PLCB1: variants seen among roughly 807,000 people sequenced by gnomAD.
PLCB1 encodes phospholipase C beta 1.
Under a neutral mutation model 161.8 loss-of-function variants are expected in PLCB1, and 46 were observed. That is an observed-to-expected ratio of 0.28 (90% CI 0.22 to 0.36). The LOEUF is 0.36. PLCB1 is among the 10% of genes least tolerant of loss of function. PLCB1 has a pLI of 1.00. For missense variants in PLCB1, 1,016 were observed against 1,472.5 expected (o/e 0.69, Z 5.07); for synonymous variants, 517 against 503.7 (o/e 1.03, Z -0.35).
chr20:8,763,406 A>G (rs1982147646), intron 25 of PLCB1, among the ~76,000 whole-genome samples: 1 of 150,488 alleles, frequency 6.6e-6, no homozygotes, highest in Non-Finnish European at 1.5e-5. Flanking sequence ...TTATTTAGAG[A>G]CAAGAGTCTA....
intron 3 of PLCB1, among the ~76,000 whole-genome samples, chr20:8,403,720 A>C (rs574976736): frequency 1.4e-4 from 22 of 152,318 alleles, no homozygotes; most frequent in African/African-American, 5.1e-4. Context: ...TGATAGTGCC[A>C]CTGCAAGACA....
At chr20:8,176,521 G>A (rs897869839) in intron 2 of PLCB1, among the ~76,000 whole-genome samples, 1 of 152,196 alleles carries the variant, frequency 6.6e-6, no homozygotes, top group Non-Finnish European at 1.5e-5. Flanking sequence ...TTATAAAAGA[G>A]CAACATGAGG....
chr20:8,790,461 A>G (rs1461486831), intron 31 of PLCB1, among the ~76,000 whole-genome samples, 200 bp downstream of exon 31: 1 of 152,218 alleles, frequency 6.6e-6, no homozygotes, highest in East Asian at 1.9e-4. Context: ...GAGCTTTTAA[A>G]AACTGCAAAT....
chr20:8,473,316 G>A (rs909456587), intron 3 of PLCB1, among the ~76,000 whole-genome samples: 9 of 151,990 alleles, frequency 5.9e-5, no homozygotes, highest in South Asian at 2.1e-4. Flanking sequence ...ACACATGCAC[G>A]CACACATTAA....
chr20:8,187,731 G>T (rs2051920788), intron 2 of PLCB1, among the ~76,000 whole-genome samples: 1 of 152,026 alleles, frequency 6.6e-6, no homozygotes, highest in South Asian at 2.1e-4. Flanking sequence ...AAATTTTTAT[G>T]ATGGATGAGT....
At chr20:8,373,484 T>C (rs942495152) in intron 3 of PLCB1, among the ~76,000 whole-genome samples, 2 of 152,210 alleles carry the variant, frequency 1.3e-5, no homozygotes, top group African/African-American at 4.8e-5. Flanking sequence ...TAATTGCTCA[T>C]GGAATTACCT....
At chr20:8,329,451 C>A (rs1985283992) in intron 2 of PLCB1, among the ~76,000 whole-genome samples, 1 of 148,306 alleles carries the variant, frequency 6.7e-6, no homozygotes, top group Admixed American at 6.6e-5. Context: ...CCAAACCTGG[C>A]CAAAGACTTG....
At chr20:8,717,152 C>G (rs148238742) in intron 13 of PLCB1, among the ~76,000 whole-genome samples, 134 of 152,320 alleles carry the variant, frequency 8.8e-4, no homozygotes, top group African/African-American at 3.0e-3. Context: ...CTGAAGCCAC[C>G]TCATCCACTT....
At chr20:8,878,538 G>A (rs1312575403) in intron 31 of PLCB1, among the ~76,000 whole-genome samples, 7 of 151,716 alleles carry the variant, frequency 4.6e-5, no homozygotes, top group Non-Finnish European at 1.0e-4. Context: ...CTCCATCATA[G>A]CCACATGAGT....
chr20:8,805,325 A>G (rs574463890), intron 31 of PLCB1, among the ~76,000 whole-genome samples: 2 of 152,360 alleles, frequency 1.3e-5, no homozygotes, highest in South Asian at 4.1e-4. Context: ...TGCTCATTTT[A>G]TGTATACATA....
At chr20:8,697,453 A>G (rs1990607945) in intron 10 of PLCB1, among the ~76,000 whole-genome samples, 173 bp from the exon 11 acceptor site, 2 of 152,208 alleles carry the variant, frequency 1.3e-5, no homozygotes, top group African/African-American at 4.8e-5. Context: ...TACAGATTCT[A>G]TTTGAAATTG....
rs1424842773 is a variant in PLCB1 at position 8,132,426 on chromosome 20, G to C, written c.-226G>C. 6.6e-6 allele frequency: 2 copies of C among 301,320 alleles called. No individual in the cohort carries two copies. The highest frequency in any genetic ancestry group is 1.6e-4 in the South Asian group (1 of 6,252). 18.7% of individuals were successfully genotyped at this position (301,320 alleles called of 1,614,324 possible). On this transcript the variant is annotated 5_prime_UTR_variant, in exon 1 of 32. Transcript: ENST00000338037. This position sits in a 1 kb window ranked among gnomAD's most constrained non-coding sequence, Gnocchi z 5.2. ...TCATCCACCGCGGGCTCCAGACCTCGCGTCCCGCCCGGGGCATGGCCGGGC... is the reference window on the plus strand; with the variant it reads ...TCATCCACCGCGGGCTCCAGACCTCCCGTCCCGCCCGGGGCATGGCCGGGC...
intron 3 of PLCB1, among the ~76,000 whole-genome samples, chr20:8,567,549 A>G (rs762576346): frequency 3.2e-4 from 49 of 152,114 alleles, no homozygotes; most frequent in Admixed American, 6.5e-4. Flanking sequence ...CAAAATTCCA[A>G]TTATTTTGAG....
chr20:8,800,458 T>C (rs1029332457), intron 31 of PLCB1, among the ~76,000 whole-genome samples: 11 of 151,734 alleles, frequency 7.2e-5, no homozygotes, highest in African/African-American at 2.4e-4. Flanking sequence ...CACACACATA[T>C]ACACAATAAC....
At chr20:8,437,896 G>A (rs948545895) in intron 3 of PLCB1, among the ~76,000 whole-genome samples, 10 of 152,118 alleles carry the variant, frequency 6.6e-5, no homozygotes, top group African/African-American at 2.4e-4. Flanking sequence ...AGATTGACAA[G>A]TAGAGGGAAA....
chr20:8,778,259 C>G (rs1228859610), intron 27 of PLCB1, among the ~76,000 whole-genome samples: 2 of 152,154 alleles, frequency 1.3e-5, no homozygotes, highest in Non-Finnish European at 2.9e-5. Flanking sequence ...GAAGCCAAAA[C>G]ATCCCAAGAA....
intron 31 of PLCB1, among the ~76,000 whole-genome samples, chr20:8,795,389 T>A (rs1983966233): frequency 6.6e-6 from 1 of 152,216 alleles, no homozygotes; most frequent in African/African-American, 2.4e-5. Flanking sequence ...ATAAGTCCCA[T>A]GGAAACTTAT....
intron 3 of PLCB1, among the ~76,000 whole-genome samples, chr20:8,484,090 A>G (rs1236181565): frequency 6.6e-6 from 1 of 152,200 alleles, no homozygotes; most frequent in Non-Finnish European, 1.5e-5. Context: ...TAATGGCACG[A>G]TCTTGGCTCA....
chr20:8,607,131 T>C (rs1374720391), intron 3 of PLCB1, among the ~76,000 whole-genome samples: 1 of 152,150 alleles, frequency 6.6e-6, no homozygotes, highest in East Asian at 1.9e-4. Flanking sequence ...TTTACCACAG[T>C]CCCACATCCC....
Sources: gnomAD v4.1 joint callset for allele counts (sites outside exome capture counted in the v4.1 genomes callset) on GRCh38, gnomAD v4.1.1 for gene constraint, Gnocchi (gnomAD v3.1) non-coding constraint, MANE v1.5 for transcripts, NCBI Gene and HGNC (gene_info 2026-07-23, HGNC 2026-07-21) for gene names.